Variants in FAM81A observed in about 807,000 individuals in gnomAD.
FAM81A encodes the protein protein FAM81A.
Under a neutral mutation model 46.7 loss-of-function variants are expected in FAM81A, and 19 were observed. That is an observed-to-expected ratio of 0.41 (90% CI 0.28 to 0.60). FAM81A has a LOEUF of 0.60. FAM81A is among the 20% of genes least tolerant of loss of function. FAM81A has a pLI of 0.34. For missense variants in FAM81A, 377 were observed against 453.5 expected, an observed-to-expected ratio of 0.83 and a Z score of 1.53; for synonymous variants, 183 against 152.9, an observed-to-expected ratio of 1.20 and a Z score of -1.45.
At chr15:59,485,548 A>G (rs2141729219) in intron 3 of FAM81A, among the ~76,000 whole-genome samples, 1 of 152,378 alleles carries the variant, frequency 6.6e-6, no homozygotes, top group East Asian at 1.9e-4. Flanking sequence ...CAAGAACTAC[A>G]GTGTTATTGG....
chr15:59,513,045 G>T (rs2141833336), intron 6 of FAM81A, among the ~76,000 whole-genome samples: 1 of 152,238 alleles, frequency 6.6e-6, no homozygotes, highest in Non-Finnish European at 1.5e-5. Flanking sequence ...GGGTGTTCAT[G>T]TTATCACTAT....
At chr15:59,504,743 T>G (rs753729683) in intron 4 of FAM81A, among the ~76,000 whole-genome samples, 3 of 152,190 alleles carry the variant, frequency 2.0e-5, no homozygotes, top group Non-Finnish European at 4.4e-5. Flanking sequence ...GATGATAGGT[T>G]ATTTACCCTC....
At chr15:59,500,127 A>G (rs1489519994) in intron 4 of FAM81A, among the ~76,000 whole-genome samples, 1 of 152,062 alleles carries the variant, frequency 6.6e-6, no homozygotes, top group Non-Finnish European at 1.5e-5. Flanking sequence ...TGCTGGGATT[A>G]CAGGCGTGAG....
chr15:59,486,388 G>A (rs1381667980), intron 3 of FAM81A, among the ~76,000 whole-genome samples: 1 of 152,022 alleles, frequency 6.6e-6, no homozygotes, highest in Non-Finnish European at 1.5e-5. Context: ...ACACCTACGA[G>A]ATCTAGAAAG....
intron 2 of FAM81A, among the ~76,000 whole-genome samples, chr15:59,417,995 C>T (rs571410203): frequency 6.6e-6 from 1 of 152,204 alleles, no homozygotes; most frequent in South Asian, 2.1e-4. Context: ...TTGTTCATTC[C>T]CCACCTGTGA....
intron 1 of FAM81A, among the ~76,000 whole-genome samples, chr15:59,452,373 G>C (rs986343223): frequency 5.3e-5 from 8 of 152,226 alleles, no homozygotes; most frequent in African/African-American, 1.9e-4. Flanking sequence ...TAGGCTGAGC[G>C]TAGTGGCTCA....
chr15:59,481,846 T>C (rs1373108653), intron 3 of FAM81A, among the ~76,000 whole-genome samples: 1 of 151,838 alleles, frequency 6.6e-6, no homozygotes, highest in African/African-American at 2.4e-5. Flanking sequence ...TTTATTTCTA[T>C]TTTTTAGGCA....
chr15:59,519,631 T>A (rs73418910), intron 8 of FAM81A, among the ~76,000 whole-genome samples: 4,010 of 151,510 alleles, frequency 0.026, 167 homozygotes, highest in African/African-American at 0.093. Flanking sequence ...CCTTTTCTTT[T>A]TTTAGATTCC....
intron 3 of FAM81A, among the ~76,000 whole-genome samples, chr15:59,467,668 A>C (rs1261288008): frequency 4.6e-5 from 7 of 152,280 alleles, no homozygotes; most frequent in African/African-American, 1.7e-4. Flanking sequence ...GGACAATTTG[A>C]CTTCCTCATT....
At chr15:59,398,679 A>G (rs2081057176) in intron 1 of FAM81A, among the ~76,000 whole-genome samples, 1 of 142,460 alleles carries the variant, frequency 7.0e-6, no homozygotes, top group Non-Finnish European at 1.5e-5. Context: ...AATTGCTTGA[A>G]CCTGGGAGGT....
chr15:59,427,444 A>G (rs1363649536), intron 2 of FAM81A, among the ~76,000 whole-genome samples: 1 of 152,048 alleles, frequency 6.6e-6, no homozygotes, highest in Non-Finnish European at 1.5e-5. Context: ...CAATTAAATG[A>G]TTATTGACCT....
chr15:59,496,480 C>T (rs2082035161), intron 4 of FAM81A, among the ~76,000 whole-genome samples: 1 of 152,216 alleles, frequency 6.6e-6, no homozygotes, highest in African/African-American at 2.4e-5. Flanking sequence ...CGGCCTGCGC[C>T]TGTAGTCCCA....
At chr15:59,490,797 C>T (rs1199300051) in intron 3 of FAM81A, among the ~76,000 whole-genome samples, 2 of 152,206 alleles carry the variant, frequency 1.3e-5, no homozygotes, top group Non-Finnish European at 2.9e-5. Flanking sequence ...TATCATGCCA[C>T]TACACTCCAG....
chr15:59,477,629 T>C (rs1170838229), intron 3 of FAM81A, among the ~76,000 whole-genome samples: 2 of 152,230 alleles, frequency 1.3e-5, no homozygotes, highest in Non-Finnish European at 2.9e-5. Context: ...GAACAGAGTC[T>C]TAATATTTCT....
rs2081541632 is a variant in FAM81A, at chr15:59,460,721, A to G, written c.294+515A>G. 1 of 195,840 alleles carries G rather than the reference A, an allele frequency of 5.1e-6. No individual in the cohort carries two copies. Among genetic ancestry groups the G allele is most frequent in the African/African-American group, 2.4e-5 (1 of 42,206 alleles). The allele number at this position is 195,840 out of a possible 1,614,324, so 12.1% of individuals were successfully genotyped here. A position where few individuals can be genotyped will look rare whatever the true frequency, so the allele number is the denominator to read the frequency against. ...GAAATGAGACCAATAAAAGGCCAAT[A>G]TTGTCTATTTTTAGAATTGGTAGAT... On this transcript the variant is annotated intron_variant, in intron 3 of 8. Coordinates refer to ENST00000288228, the MANE Select transcript of FAM81A (RefSeq NM_152450.3). This position sits in a 1 kb window ranked among gnomAD's most constrained non-coding sequence, Gnocchi z 4.4.
chr15:59,463,105 C>G (rs1406304603), intron 3 of FAM81A, among the ~76,000 whole-genome samples: 2 of 152,128 alleles, frequency 1.3e-5, no homozygotes, highest in Non-Finnish European at 2.9e-5. Flanking sequence ...TTCAAGGTCA[C>G]AAAGATTTTC....
chr15:59,515,060 C>T (rs1258795196), intron 7 of FAM81A, among the ~76,000 whole-genome samples: 4 of 152,010 alleles, frequency 2.6e-5, no homozygotes, highest in Non-Finnish European at 5.9e-5. Flanking sequence ...GCCTGGGAAA[C>T]ATGGTGAAAC....
intron 3 of FAM81A, among the ~76,000 whole-genome samples, chr15:59,491,104 T>C (rs1428409404): frequency 6.6e-6 from 1 of 152,154 alleles, no homozygotes; most frequent in African/African-American, 2.4e-5. Context: ...GGAAGAGATA[T>C]CTGCACTCCC....
chr15:59,417,495 C>T (rs778802180), intron 2 of FAM81A, among the ~76,000 whole-genome samples: 6 of 151,368 alleles, frequency 4.0e-5, no homozygotes, highest in Non-Finnish European at 7.4e-5. Flanking sequence ...CACTTGAGGT[C>T]AGGAGTTCGA....
Sources: gnomAD v4.1 joint callset for allele counts (sites outside exome capture counted in the v4.1 genomes callset) on GRCh38, gnomAD v4.1.1 for gene constraint, Gnocchi (gnomAD v3.1) non-coding constraint, MANE v1.5 for transcripts, NCBI Gene and HGNC (gene_info 2026-07-23, HGNC 2026-07-21) for gene names.